Variants in MAML2 observed in about 807,000 individuals in gnomAD.
MAML2 encodes the protein mastermind like transcriptional coactivator 2, also known as mastermind-like protein 2.
A neutral mutation model predicts 96.1 loss-of-function variants in MAML2; 22 were observed. The observed-to-expected ratio is 0.23, with a 90% CI of 0.16 to 0.33. The LOEUF (loss-of-function observed/expected upper bound fraction) is 0.33, where lower values mean the gene tolerates loss of function less well. Among genes scored for constraint, MAML2 ranks in the 10% least tolerant of loss-of-function variants. MAML2 has a pLI of 1.00. For synonymous variants in MAML2, 561 were observed against 521.3 expected, an observed-to-expected ratio of 1.08 and a Z score of -1.04; for missense variants, 1,367 against 1,392.4, an observed-to-expected ratio of 0.98 and a Z score of 0.29.
chr11:96,329,765 CCTT>C (rs1400049450), intron 1 of MAML2, among the ~76,000 whole-genome samples: 3 of 152,078 alleles, frequency 2.0e-5, no homozygotes, highest in East Asian at 3.9e-4. Flanking sequence ...CTATATCACT[CCTT>C]CTTTATTTAT....
intron 1 of MAML2, among the ~76,000 whole-genome samples, chr11:96,325,069 G>C (rs1863756221): frequency 6.6e-6 from 1 of 152,084 alleles, no homozygotes; most frequent in African/African-American, 2.4e-5. Flanking sequence ...TGTGCCCTGG[G>C]TGTCTGACAT....
intron 2 of MAML2, among the ~76,000 whole-genome samples, chr11:96,039,873 G>T (rs1003722360): frequency 2.0e-5 from 3 of 151,674 alleles, no homozygotes; most frequent in African/African-American, 7.3e-5. Flanking sequence ...CAGGAGAATG[G>T]CGTGAACCCG....
intron 1 of MAML2, among the ~76,000 whole-genome samples, chr11:96,274,124 T>C (rs943503640): frequency 8.0e-5 from 11 of 138,170 alleles, no homozygotes; most frequent in Non-Finnish European, 1.6e-4. Context: ...GCTCTGTAGC[T>C]CAGGCTGGAG....
chr11:96,060,207 T>G (rs895629951), intron 2 of MAML2, among the ~76,000 whole-genome samples: 1 of 152,210 alleles, frequency 6.6e-6, no homozygotes, highest in African/African-American at 2.4e-5. Context: ...ATGCAATAAC[T>G]AAAGAAATGT....
chr11:96,190,572 G>A (rs946964239), intron 1 of MAML2, among the ~76,000 whole-genome samples: 10 of 152,226 alleles, frequency 6.6e-5, no homozygotes, highest in African/African-American at 9.6e-5. Flanking sequence ...ATTTATGAAC[G>A]CATGCAGAAT....
At chr11:96,323,756 C>G (rs1863740229) in intron 1 of MAML2, among the ~76,000 whole-genome samples, 1 of 152,178 alleles carries the variant, frequency 6.6e-6, no homozygotes, top group Non-Finnish European at 1.5e-5. Context: ...GCCATGCTGC[C>G]TTCTCTGTGC....
At chr11:96,219,702 T>C (rs889155883) in intron 1 of MAML2, among the ~76,000 whole-genome samples, 1 of 152,180 alleles carries the variant, frequency 6.6e-6, no homozygotes, top group Non-Finnish European at 1.5e-5. Context: ...CTCGGCTCAC[T>C]GCAACTCCAC....
chr11:96,214,253 C>T (rs1862016367), intron 1 of MAML2, among the ~76,000 whole-genome samples: 1 of 152,126 alleles, frequency 6.6e-6, no homozygotes, highest in South Asian at 2.1e-4. Flanking sequence ...TGAGGCCATG[C>T]CTAGGTTATT....
At chr11:96,192,871 G>A (rs6483488) in intron 1 of MAML2, among the ~76,000 whole-genome samples, 28,381 of 152,166 alleles carry the variant, frequency 0.19, 2,815 homozygotes, top group Middle Eastern at 0.25. Context: ...GGTTTGCTTC[G>A]TGCAAGCTAT....
intron 1 of MAML2, among the ~76,000 whole-genome samples, chr11:96,246,785 TA>T (rs917467079): frequency 6.6e-6 from 1 of 152,160 alleles, no homozygotes; most frequent in African/African-American, 2.4e-5. Context: ...TTCAATGTAA[TA>T]TATACAGTTT....
At chr11:96,122,827 G>C (rs1245050354) in intron 1 of MAML2, among the ~76,000 whole-genome samples, 4 of 152,188 alleles carry the variant, frequency 2.6e-5, no homozygotes, top group African/African-American at 9.6e-5. Context: ...ATCATGGCCA[G>C]GGCAGAGGAA....
chr11:96,102,555 G>A (rs986372233), intron 1 of MAML2, among the ~76,000 whole-genome samples: 6 of 152,116 alleles, frequency 3.9e-5, no homozygotes, highest in Admixed American at 2.0e-4. Flanking sequence ...ATGATATTCT[G>A]TTAGTGGCAG....
chr11:96,207,828 T>G (rs1252840803), intron 1 of MAML2, among the ~76,000 whole-genome samples: 1 of 152,262 alleles, frequency 6.6e-6, no homozygotes, highest in African/African-American at 2.4e-5. Context: ...TTTTAAGATC[T>G]ATATCCTGGC....
intron 1 of MAML2, among the ~76,000 whole-genome samples, chr11:96,103,505 T>C (rs1341795871): frequency 6.6e-6 from 1 of 152,162 alleles, no homozygotes; most frequent in Non-Finnish European, 1.5e-5. Context: ...TGTTCGAGGG[T>C]TGTTTATTCA....
In MAML2 at chr11:96,002,958, C is replaced by T. The variant is rs184959035; in HGVS notation, c.2140-11235G>A. Among the ~76,000 whole-genome samples the T allele has an allele frequency of 1.1e-4, 11 of 97,026 alleles. No homozygotes were observed. The East Asian group carries it at 2.5e-3, about 22-fold the overall frequency. The allele number at this position is 97,026 out of a possible 152,430, so 63.7% of individuals were successfully genotyped here. ...ATGGGGATGATAAGAAGGATGATGG[C>T]GATGATGAAGATGGTGAGGATGATG... On this transcript the variant is annotated intron_variant, in intron 2 of 4. Coordinates refer to ENST00000524717, the MANE Select transcript of MAML2 (RefSeq NM_032427.4).
At chr11:96,161,841 G>A (rs1161174347) in intron 1 of MAML2, among the ~76,000 whole-genome samples, 3 of 152,168 alleles carry the variant, frequency 2.0e-5, no homozygotes, top group African/African-American at 7.2e-5. Context: ...TGGACGATGA[G>A]TTTTGGTTTA....
At chr11:96,102,678 T>G (rs1219382462) in intron 1 of MAML2, among the ~76,000 whole-genome samples, 5 of 152,210 alleles carry the variant, frequency 3.3e-5, no homozygotes, top group Non-Finnish European at 7.3e-5. Flanking sequence ...TCATTCTAGA[T>G]CCATTCAGTG....
chr11:96,289,845 A>T (rs1483203938), intron 1 of MAML2, among the ~76,000 whole-genome samples: 1 of 150,452 alleles, frequency 6.6e-6, no homozygotes, highest in Non-Finnish European at 1.5e-5. Flanking sequence ...AAAAAAAATC[A>T]TTTTAAAGTC....
At chr11:96,071,327 T>C (rs1370181359) in intron 2 of MAML2, among the ~76,000 whole-genome samples, 1 of 152,268 alleles carries the variant, frequency 6.6e-6, no homozygotes, top group Admixed American at 6.5e-5. Context: ...GAACCAGCCA[T>C]CCTGGCTGTA....
Sources: allele counts gnomAD v4.1 joint callset (sites outside exome capture counted in the v4.1 genomes callset), GRCh38; gene constraint gnomAD v4.1.1; transcripts MANE v1.5; gene names NCBI Gene and HGNC (gene_info 2026-07-23, HGNC 2026-07-21).